Variants in RMDN2 observed in about 807,000 individuals in gnomAD.
The protein encoded by RMDN2 is regulator of microtubule dynamics protein 2.
In RMDN2, 61 loss-of-function variants were observed where a neutral mutation model predicts 52.8. The observed-to-expected ratio is 1.16, with a 90% CI of 0.94 to 1.43. The LOEUF is 1.43. Among genes scored for constraint, RMDN2 ranks in the 40% most tolerant of loss-of-function variants. The pLI is 0.00. For synonymous variants in RMDN2, 180 were observed against 153.1 expected (o/e 1.18, Z -1.30); for missense variants, 592 against 475.3 (o/e 1.25, Z -2.28).
upstream of RMDN2, among the ~76,000 whole-genome samples, chr2:37,924,767 T>C (rs1666141296): frequency 6.6e-6 from 1 of 152,190 alleles, no homozygotes; most frequent in African/African-American, 2.4e-5. Context: ...ACAGCGGCTT[T>C]CATCTAAAGG....
chr2:37,992,980 T>A (rs1229853132), intron 7 of RMDN2, among the ~76,000 whole-genome samples: 1 of 152,188 alleles, frequency 6.6e-6, no homozygotes, highest in Admixed American at 6.5e-5. Context: ...AGTGGCATGA[T>A]CTCGGCTCAC....
At position 37,991,210 on chromosome 2, in the gene RMDN2, C is replaced by CT. The variant is rs1231575643; in HGVS notation, c.868-4dup. 2.6e-6 allele frequency: 4 copies of CT among 1,532,046 alleles called. No individual in the cohort carries two copies. Among genetic ancestry groups the CT allele is most frequent in the Admixed American group, 1.9e-5 (1 of 51,408 alleles). The allele number at this position is 1,532,046 out of a possible 1,614,324, so 94.9% of individuals were successfully genotyped here. A position where few individuals can be genotyped will look rare whatever the true frequency, so the allele number is the denominator to read the frequency against. On this transcript the variant is annotated splice_polypyrimidine_tract_variant and intron_variant, in intron 6 of 10. Coordinates refer to ENST00000354545, the MANE Select transcript of RMDN2 (RefSeq NM_001170791.3). The stretch of plus-strand genomic sequence containing the variant: ...TTGGGAGATGATTTTCCTTTGGATG[C>CT]TTTTTTCAGGAACATCTAGATATAG...
At chr2:38,018,302 T>C (rs1443134385), downstream of RMDN2, among the ~76,000 whole-genome samples, 1 of 152,230 alleles carries the variant, frequency 6.6e-6, no homozygotes, top group African/African-American at 2.4e-5. Context: ...TTTTGTCACT[T>C]GGGTACATTA....
chr2:37,947,163 G>A (rs1479210837), intron 2 of RMDN2, among the ~76,000 whole-genome samples: 2 of 152,018 alleles, frequency 1.3e-5, no homozygotes, highest in African/African-American at 2.4e-5. Flanking sequence ...AGTGTACATT[G>A]TACCTGTTAG....
At chr2:38,046,931 C>A (rs553627570) in intron 10 of RMDN2, among the ~76,000 whole-genome samples, 1 of 151,510 alleles carries the variant, frequency 6.6e-6, no homozygotes, top group African/African-American at 2.4e-5. Flanking sequence ...TGCAGAGAGC[C>A]GAGATTGCGC....
intron 6 of RMDN2, 134 bp from the exon 7 acceptor site, chr2:37,991,086 T>C (rs1674726280): frequency 1.7e-5 from 7 of 418,196 alleles, no homozygotes; most frequent in Admixed American, 4.2e-5. Flanking sequence ...TAAGATTTCA[T>C]TGTATTAATG....
intron 10 of RMDN2, among the ~76,000 whole-genome samples, chr2:38,011,136 C>T (rs1373831503): frequency 6.6e-6 from 1 of 152,174 alleles, no homozygotes; most frequent in Admixed American, 6.5e-5. Flanking sequence ...GGGGAGTGAC[C>T]ATGGGTTGCC....
At chr2:37,978,917 C>T in intron 4 of RMDN2, among the ~76,000 whole-genome samples, 1 of 152,210 alleles carries the variant, frequency 6.6e-6, no homozygotes. Flanking sequence ...TACAGTTTGC[C>T]ATAGGTAAAA....
chr2:38,059,961 G>C (rs1470953050), intron 10 of RMDN2, among the ~76,000 whole-genome samples: 1 of 151,996 alleles, frequency 6.6e-6, no homozygotes, highest in Admixed American at 6.6e-5. Flanking sequence ...GCAGTGACTC[G>C]ATCTCGGCTC....
At chr2:37,964,161 G>T (rs1421691556) in intron 2 of RMDN2, among the ~76,000 whole-genome samples, 2 of 151,396 alleles carry the variant, frequency 1.3e-5, no homozygotes, top group East Asian at 2.0e-4. Flanking sequence ...GGGCGGAGGG[G>T]CTCCTCACTT....
chr2:38,001,869 T>A (rs539470606), intron 8 of RMDN2, among the ~76,000 whole-genome samples: 2 of 152,284 alleles, frequency 1.3e-5, no homozygotes, highest in East Asian at 3.9e-4. Flanking sequence ...ATCCATTGAT[T>A]AAGAGAGAAG....
chr2:38,033,832 G>A (rs1444519178), intron 10 of RMDN2, among the ~76,000 whole-genome samples: 2 of 152,138 alleles, frequency 1.3e-5, no homozygotes, highest in African/African-American at 2.4e-5. Flanking sequence ...TCCTGCTCTT[G>A]TTGACAATGT....
At chr2:37,931,034 T>TGA (rs1245277758) in intron 2 of RMDN2, among the ~76,000 whole-genome samples, 1 of 143,680 alleles carries the variant, frequency 7.0e-6, no homozygotes, top group Admixed American at 6.9e-5. Context: ...GTCTCTTTTC[T>TGA]GAGTCACAGT....
In RMDN2 at chr2:37,975,266, T is replaced by C. The variant is rs1223172367; in HGVS notation, c.682T>C (p.Tyr228His). 1 of 1,610,566 alleles carries C rather than the reference T, an allele frequency of 6.2e-7. No individual in the cohort carries two copies. The highest frequency in any genetic ancestry group is 1.1e-5 in the South Asian group (1 of 90,954). ...ATTTGCTCGTGCTTATGGAGACATG[T>C]ATGAACTATCTACAAACACACAAGA... Reference protein sequence around the residue: ...WRFARAYGDMYELSTNTQEKK... With the variant: ...WRFARAYGDMHELSTNTQEKK... Residue 228 changes from tyrosine (Y) to histidine (H), a missense_variant, in exon 4 of 11, where the codon TAT (tyrosine) becomes CAT (histidine). Tyr to His is a moderately conservative substitution (Grantham distance 83). Coordinates refer to ENST00000354545, the MANE Select transcript of RMDN2 (RefSeq NM_001170791.3).
chr2:38,032,857 A>C (rs780943156), intron 10 of RMDN2: 7 of 152,226 alleles, frequency 4.6e-5, no homozygotes, highest in Non-Finnish European at 1.0e-4. Context: ...TAAAAAAAAA[A>C]ATCACATATA....
At chr2:38,050,347 TA>T (rs1240270212) in intron 10 of RMDN2, among the ~76,000 whole-genome samples, 190 of 143,678 alleles carry the variant, frequency 1.3e-3, no homozygotes, top group East Asian at 3.6e-3. Context: ...TATCCCCTAT[TA>T]AAAAAAAAAA....
intron 10 of RMDN2, among the ~76,000 whole-genome samples, chr2:38,015,401 C>G (rs1678614612): frequency 1.3e-5 from 2 of 151,974 alleles, no homozygotes; most frequent in South Asian, 4.2e-4. Flanking sequence ...CCTGTCTCTA[C>G]TAAAAATACA....
chr2:37,922,333 C>A (rs1666053725), upstream of RMDN2, among the ~76,000 whole-genome samples: 1 of 151,082 alleles, frequency 6.6e-6, no homozygotes, highest in Non-Finnish European at 1.5e-5. Flanking sequence ...GAATAGTTAA[C>A]TATATAGCAT....
intron 2 of RMDN2, among the ~76,000 whole-genome samples, chr2:37,936,273 C>T (rs1246651466): frequency 2.6e-5 from 4 of 152,172 alleles, no homozygotes; most frequent in African/African-American, 9.7e-5. Flanking sequence ...GTGTATGTGA[C>T]ACATTTTCTT....
Sources: allele counts gnomAD v4.1 joint callset (sites outside exome capture counted in the v4.1 genomes callset), GRCh38; gene constraint gnomAD v4.1.1; transcripts MANE v1.5; gene names NCBI Gene and HGNC (gene_info 2026-07-23, HGNC 2026-07-21).